SLIT3: variants seen among roughly 807,000 people sequenced by gnomAD.
SLIT3 encodes the protein slit homolog 3 protein.
SLIT3 carries 68 observed loss-of-function variants against 184.0 expected under a neutral mutation model. The ratio of observed to expected loss-of-function variants is 0.37; its 90% CI spans 0.30 to 0.45. The LOEUF (loss-of-function observed/expected upper bound fraction) is 0.45, where lower values mean the gene tolerates loss of function less well. SLIT3 is among the 20% of genes least tolerant of loss of function. The pLI, the probability that SLIT3 is intolerant of heterozygous loss-of-function variation, is 1.00. For missense variants in SLIT3, 1,707 were observed against 2,026.0 expected (o/e 0.84, Z 3.02); for synonymous variants, 831 against 828.6 (o/e 1.00, Z -0.05).
Position 168,800,519 on chromosome 5 carries a change from G to A in SLIT3, c.936-4941C>T, listed in dbSNP as rs541075603. Among the ~76,000 whole-genome samples, 19 of 152,256 alleles carry A rather than the reference G, an allele frequency of 1.2e-4. No homozygotes were observed. The South Asian group carries it at 2.9e-3, about 23-fold the overall frequency. ...GGAGAATCACTTGAACCTGGGAGGC[G>A]GAGGTTGCAGTGAGCCAAGATCACA... On this transcript the variant is annotated intron_variant, in intron 9 of 35. Coordinates refer to ENST00000519560, the MANE Select transcript of SLIT3 (RefSeq NM_003062.4).
chr5:169,296,914 C>T (rs1767519190), intron 1 of SLIT3, among the ~76,000 whole-genome samples: 1 of 152,226 alleles, frequency 6.6e-6, no homozygotes, highest in Non-Finnish European at 1.5e-5. Flanking sequence ...AGAAGTGGGC[C>T]TCTGCCTGCC....
chr5:168,766,144 T>C (rs17070435), intron 14 of SLIT3, among the ~76,000 whole-genome samples: 16,806 of 152,164 alleles, frequency 0.11, 1,043 homozygotes, highest in African/African-American at 0.16. Context: ...GGTATGCATT[T>C]TGTATCATCC....
rs572215757 is a variant in SLIT3, at chr5:169,215,221, G to A, written c.342-21671C>T. ...GACGAACTTCCTTTAGTTCTTGAAC[G>A]TAACTCGCACTCTCTCACCTCTGGG... On this transcript the variant is annotated intron_variant, in intron 3 of 35. Coordinates refer to ENST00000519560, the MANE Select transcript of SLIT3 (RefSeq NM_003062.4). Among the ~76,000 whole-genome samples, 15 of 152,132 alleles carry A rather than the reference G, an allele frequency of 9.9e-5. No homozygotes were observed. The South Asian group carries it at 2.3e-3, about 23-fold the overall frequency.
At chr5:169,263,608 A>C (rs62376934) in intron 1 of SLIT3, 3 of 476,536 alleles carry the variant, frequency 6.3e-6, no homozygotes. Flanking sequence ...ACATTGTTAC[A>C]GCAGCCCTAG....
At chr5:169,150,622 T>C (rs773653231) in intron 4 of SLIT3, among the ~76,000 whole-genome samples, 1 of 152,106 alleles carries the variant, frequency 6.6e-6, no homozygotes, top group Non-Finnish European at 1.5e-5. Context: ...CCCTGGCCCC[T>C]CTTTGCCTTA....
At chr5:168,819,371 G>A (rs1045450634) in intron 7 of SLIT3, among the ~76,000 whole-genome samples, 3 of 152,236 alleles carry the variant, frequency 2.0e-5, no homozygotes, top group African/African-American at 7.2e-5. Flanking sequence ...AAGGAACACG[G>A]CAACAGTAGG....
At position 168,699,139 on chromosome 5, in the gene SLIT3, G is replaced by A. The variant is rs534287603; in HGVS notation, c.2942+1443C>T. ...TCTATGTGAGCCAGCAGGAGTGGGT[G>A]GTTTGGCTGACTCCAGGCAGGAAAA... On this transcript the variant is annotated intron_variant, in intron 27 of 35. Coordinates refer to ENST00000519560, the MANE Select transcript of SLIT3 (RefSeq NM_003062.4). Among the ~76,000 whole-genome samples, 169 of 152,314 alleles carry A rather than the reference G, an allele frequency of 1.1e-3. 1 individual carries two copies. Among genetic ancestry groups the A allele is most frequent in the African/African-American group, 4.0e-3 (167 of 41,580 alleles).
intron 29 of SLIT3, among the ~76,000 whole-genome samples, chr5:168,687,420 T>G (rs1424033092): frequency 6.6e-6 from 1 of 152,234 alleles, no homozygotes; most frequent in Non-Finnish European, 1.5e-5. Flanking sequence ...GGTCCTTCCT[T>G]TGGGTCAGGC....
In SLIT3 at chr5:168,806,390, C is replaced by G; in HGVS notation, c.935+56G>C. ...TGGCCTAGTGGGTGATGGGCTGGGA[C>G]AGGGAGCTGAATTCTCCGGCGACAG... On this transcript the variant is annotated intron_variant, in intron 9 of 35. Coordinates refer to ENST00000519560, the MANE Select transcript of SLIT3 (RefSeq NM_003062.4). 3.1e-6 allele frequency: 5 copies of G among 1,601,594 alleles called. 1 individual carries two copies. The South Asian group carries it at 4.4e-5, about 14-fold the overall frequency.
At chr5:168,904,701 C>T (rs1360164145) in intron 4 of SLIT3, among the ~76,000 whole-genome samples, 2 of 152,208 alleles carry the variant, frequency 1.3e-5, no homozygotes, top group African/African-American at 4.8e-5. Context: ...TTCTGATAGA[C>T]ATGTGTGTGC....
intron 20 of SLIT3, among the ~76,000 whole-genome samples, chr5:168,743,155 G>C (rs1364608460): frequency 6.6e-6 from 1 of 152,178 alleles, no homozygotes; most frequent in Non-Finnish European, 1.5e-5. Flanking sequence ...CTCTGGAGGA[G>C]TCTGGGTCGC....
In SLIT3 at chr5:169,155,426, C is replaced by G. The variant is rs147773693; in HGVS notation, c.413+38053G>C. Reference sequence around the variant, plus strand: ...GGATCTGAAATTAATTTATTGAAAACCCCACTGCCCCACAAGCTGCTAAAG... The same window carrying G: ...GGATCTGAAATTAATTTATTGAAAAGCCCACTGCCCCACAAGCTGCTAAAG... On this transcript the variant is annotated intron_variant, in intron 4 of 35. Coordinates refer to ENST00000519560, the MANE Select transcript of SLIT3 (RefSeq NM_003062.4). Among the ~76,000 whole-genome samples, 754 of 152,268 alleles carry G rather than the reference C, an allele frequency of 5.0e-3. 4 individuals carry two copies. Among genetic ancestry groups the G allele is most frequent in the South Asian group, 7.9e-3 (38 of 4,822 alleles).
At chr5:168,774,124 G>A (rs1053958688) in intron 13 of SLIT3, 111 bp downstream of exon 13, 1 of 1,069,024 alleles carries the variant, frequency 9.4e-7, no homozygotes, top group Non-Finnish European at 1.4e-6. Flanking sequence ...GCAGGCTCTA[G>A]AACTCCTCCT....
chr5:168,970,983 C>T (rs1465360279), intron 4 of SLIT3, among the ~76,000 whole-genome samples: 1 of 152,144 alleles, frequency 6.6e-6, no homozygotes, highest in African/African-American at 2.4e-5. Context: ...GCTGGTGGAC[C>T]CATCTTCTTT....
intron 4 of SLIT3, among the ~76,000 whole-genome samples, chr5:168,907,955 T>C (rs1761120431): frequency 2.5e-5 from 1 of 40,730 alleles, no homozygotes; most frequent in Non-Finnish European, 5.3e-5. Flanking sequence ...TATATATATA[T>C]ATATATATAT....
chr5:169,155,339 GT>G (rs1343758239), intron 4 of SLIT3, among the ~76,000 whole-genome samples: 1 of 152,138 alleles, frequency 6.6e-6, no homozygotes, highest in African/African-American at 2.4e-5. Flanking sequence ...GCAGCTAATA[GT>G]GATCCAAACC....
intron 32 of SLIT3, among the ~76,000 whole-genome samples, chr5:168,681,667 A>G (rs1761595774): frequency 6.6e-6 from 1 of 152,146 alleles, no homozygotes. Flanking sequence ...TTTCCATTTC[A>G]TAACTCAGCA....
chr5:168,894,964 C>T (rs1366347154), intron 4 of SLIT3, among the ~76,000 whole-genome samples: 1 of 152,156 alleles, frequency 6.6e-6, no homozygotes, highest in Non-Finnish European at 1.5e-5. Context: ...GGATAATCTA[C>T]ACTGTGATCT....
chr5:169,236,763 C>A (rs1028337144), intron 3 of SLIT3, among the ~76,000 whole-genome samples: 2 of 152,156 alleles, frequency 1.3e-5, no homozygotes, highest in African/African-American at 4.8e-5. Context: ...AGCCACCACA[C>A]CCAGCCAGAG....
Sources: allele counts gnomAD v4.1 joint callset (sites outside exome capture counted in the v4.1 genomes callset), GRCh38; gene constraint gnomAD v4.1.1; transcripts MANE v1.5; gene names NCBI Gene and HGNC (gene_info 2026-07-23, HGNC 2026-07-21).